The following PPP1R1C variants were observed in gnomAD, a reference collection of about 807,000 sequenced individuals.
The protein encoded by PPP1R1C is protein phosphatase 1 regulatory inhibitor subunit 1C.
In PPP1R1C, 15 loss-of-function variants were observed where a neutral mutation model predicts 17.4. The observed-to-expected ratio is 0.86, with a 90% CI of 0.58 to 1.33. The LOEUF (loss-of-function observed/expected upper bound fraction) is 1.33, where lower values mean the gene tolerates loss of function less well. Among genes scored for constraint, PPP1R1C ranks in the 40% most tolerant of loss-of-function variants. The probability of loss-of-function intolerance (pLI) is 0.00; values close to 1 mark genes in which losing one functional copy is unlikely to be tolerated. For synonymous variants in PPP1R1C, 35 were observed against 43.1 expected, an observed-to-expected ratio of 0.81 and a Z score of 0.73; for missense variants, 143 against 130.0, an observed-to-expected ratio of 1.10 and a Z score of -0.48.
intron 2 of PPP1R1C, among the ~76,000 whole-genome samples, chr2:182,049,147 A>C (rs1448044099): frequency 6.6e-6 from 1 of 152,096 alleles, no homozygotes; most frequent in Non-Finnish European, 1.5e-5. Context: ...AATCTGGCCA[A>C]CATGGTGAAA....
intron 1 of PPP1R1C, chr2:181,954,668 A>G (rs1056211953): frequency 1.3e-5 from 2 of 152,194 alleles, no homozygotes; most frequent in East Asian, 1.9e-4. Context: ...TCTATTTCCT[A>G]CAGACTTCCC....
intron 1 of PPP1R1C, among the ~76,000 whole-genome samples, chr2:181,964,133 T>C (rs1456678517): frequency 1.3e-5 from 2 of 152,232 alleles, no homozygotes; most frequent in African/African-American, 4.8e-5. Context: ...CAGCCTCTTG[T>C]AACCATCATT....
At chr2:181,965,314 T>C (rs1320295740) in intron 1 of PPP1R1C, among the ~76,000 whole-genome samples, 1 of 152,234 alleles carries the variant, frequency 6.6e-6, no homozygotes, top group African/African-American at 2.4e-5. Flanking sequence ...TGATCCTATT[T>C]ATCCATTTTT....
At chr2:182,001,211 GT>G (rs1471070817) in intron 2 of PPP1R1C, among the ~76,000 whole-genome samples, 38 of 152,264 alleles carry the variant, frequency 2.5e-4, no homozygotes, top group African/African-American at 8.9e-4. Context: ...ACTTGAGCTG[GT>G]TGTTTCACTG....
chr2:181,962,286 C>A lies in PPP1R1C; in HGVS notation n.111+7652C>A. On this transcript the variant is annotated intron_variant and non_coding_transcript_variant, in intron 1 of 5. Coordinates refer to the PPP1R1C transcript ENST00000464264. This position sits in a 1 kb window ranked among gnomAD's most constrained non-coding sequence, Gnocchi z 6.0. The stretch of plus-strand genomic sequence containing the variant: ...CCTGCCAGACCCCCGGCCATCCCCG[C>A]GGCCAGGTCCCCGGACCCCATGCCA... 1 of 748,382 alleles carries A rather than the reference C, an allele frequency of 1.3e-6. No individual in the cohort carries two copies. Among genetic ancestry groups the A allele is most frequent in the Admixed American group, 2.0e-5 (1 of 50,198 alleles). The allele number at this position is 748,382 out of a possible 1,614,324, so 46.4% of individuals were successfully genotyped here. A position where few individuals can be genotyped will look rare whatever the true frequency, so the allele number is the denominator to read the frequency against.
chr2:182,073,176 C>T (rs547181213), intron 4 of PPP1R1C, among the ~76,000 whole-genome samples: 56 of 151,976 alleles, frequency 3.7e-4, no homozygotes, highest in African/African-American at 1.3e-3. Context: ...TTTAGCTGTG[C>T]TTCTTTGAGA....
Position 182,018,285 on chromosome 2 carries a change from GA to G in PPP1R1C, c.142+30389del. ...TAGCGAGCTTACAAACTAGTTTAAG[GA>G]AACAAGACAAGGAAATTAGAACAGC... On this transcript the variant is annotated intron_variant, in intron 2 of 4. Transcript: ENST00000682840. 2.0e-5 allele frequency among the ~76,000 whole-genome samples: 3 copies of G among 152,244 alleles called. No individual in the cohort carries two copies. The East Asian group carries it at 5.8e-4, about 29-fold the overall frequency.
At chr2:182,064,216 G>A (rs1223862667) in intron 4 of PPP1R1C, 1 of 178,042 alleles carries the variant, frequency 5.6e-6, no homozygotes, top group Non-Finnish European at 1.2e-5. Flanking sequence ...ATTGTATTGT[G>A]TCAGGAGCAG....
intron 2 of PPP1R1C, among the ~76,000 whole-genome samples, chr2:182,039,333 T>TG (rs1265229605): frequency 6.6e-6 from 1 of 152,168 alleles, no homozygotes; most frequent in Non-Finnish European, 1.5e-5. Context: ...CTGTTAGAGA[T>TG]GTCTCATTTT....
chr2:182,079,242 T>C (rs1688403473), intron 4 of PPP1R1C, among the ~76,000 whole-genome samples: 1 of 152,232 alleles, frequency 6.6e-6, no homozygotes, highest in African/African-American at 2.4e-5. Flanking sequence ...CTATTGCTAC[T>C]TACATAGCAG....
chr2:182,072,717 C>T (rs1688175902), intron 4 of PPP1R1C, among the ~76,000 whole-genome samples: 1 of 152,158 alleles, frequency 6.6e-6, no homozygotes. Flanking sequence ...AAAATTTTTA[C>T]AAGATCTTTT....
chr2:182,078,855 A>G (rs559669688), intron 4 of PPP1R1C, among the ~76,000 whole-genome samples: 1 of 152,358 alleles, frequency 6.6e-6, no homozygotes. Context: ...ACTCCTGAGA[A>G]ATCTGGGTTT....
At chr2:182,024,944 A>C (rs530736579) in intron 2 of PPP1R1C, among the ~76,000 whole-genome samples, 2 of 150,256 alleles carry the variant, frequency 1.3e-5, no homozygotes, top group Non-Finnish European at 3.0e-5. Flanking sequence ...AAAAATTAAT[A>C]TATTCTTCTT....
chr2:182,103,886 C>T (rs1253803844), intron 4 of PPP1R1C: 2 of 152,178 alleles, frequency 1.3e-5, no homozygotes, highest in Admixed American at 1.3e-4. Flanking sequence ...ACTATAAACT[C>T]ATCAGGATTC....
intron 2 of PPP1R1C, among the ~76,000 whole-genome samples, chr2:182,040,445 A>G (rs1004088456): frequency 1.8e-4 from 28 of 152,120 alleles, no homozygotes; most frequent in African/African-American, 6.8e-4. Flanking sequence ...GGCCATCGGT[A>G]TATCTTCTTT....
chr2:181,988,773 T>G (rs1331574248), intron 2 of PPP1R1C, among the ~76,000 whole-genome samples: 1 of 152,186 alleles, frequency 6.6e-6, no homozygotes, highest in Non-Finnish European at 1.5e-5. Context: ...CTTGACTTTT[T>G]CAGACTCTTT....
chr2:181,997,419 A>G (rs186490225), intron 2 of PPP1R1C, among the ~76,000 whole-genome samples: 1 of 152,284 alleles, frequency 6.6e-6, no homozygotes, highest in Non-Finnish European at 1.5e-5. Context: ...TGAACCTGCC[A>G]AAGTGTCTTG....
At chr2:181,996,910 C>A (rs1685627024) in intron 2 of PPP1R1C, among the ~76,000 whole-genome samples, 1 of 152,174 alleles carries the variant, frequency 6.6e-6, no homozygotes, top group Non-Finnish European at 1.5e-5. Context: ...TTTCCCCTGT[C>A]TGATGATAAA....
chr2:182,033,543 C>T (rs1303476638), intron 2 of PPP1R1C, among the ~76,000 whole-genome samples: 1 of 152,080 alleles, frequency 6.6e-6, no homozygotes, highest in Non-Finnish European at 1.5e-5. Context: ...AATTTTTGCC[C>T]ATTTTGTCTC....
Sources: gnomAD v4.1 joint callset for allele counts (sites outside exome capture counted in the v4.1 genomes callset) on GRCh38, gnomAD v4.1.1 for gene constraint, Gnocchi (gnomAD v3.1) non-coding constraint, MANE v1.5 for transcripts, NCBI Gene and HGNC (gene_info 2026-07-23, HGNC 2026-07-21) for gene names.